The following RBFOX1 variants were observed in gnomAD, a reference collection of about 807,000 sequenced individuals.
RBFOX1 encodes the protein RNA binding protein fox-1 homolog 1.
RBFOX1 carries 8 observed loss-of-function variants against 57.7 expected under a neutral mutation model. The observed-to-expected ratio is 0.14, with a 90% confidence interval of 0.08 to 0.25. RBFOX1 has a LOEUF of 0.25. Among genes scored for constraint, RBFOX1 ranks in the 10% least tolerant of loss-of-function variants. The pLI is 1.00. For missense variants in RBFOX1, 611 were observed against 548.5 expected (o/e 1.11, Z -1.14); for synonymous variants, 326 against 222.4 (o/e 1.47, Z -4.15).
intron 1 of RBFOX1, among the ~76,000 whole-genome samples, chr16:5,408,736 C>T (rs1469818841): frequency 2.0e-5 from 3 of 152,240 alleles, no homozygotes; most frequent in African/African-American, 7.2e-5. Context: ...CCTCAGGAAG[C>T]TTTCAGTCAT....
intron 3 of RBFOX1, among the ~76,000 whole-genome samples, chr16:7,047,932 G>A (rs1269704925): frequency 7.3e-5 from 11 of 151,674 alleles, no homozygotes; most frequent in Non-Finnish European, 1.6e-4. Context: ...AGGCTGGAGT[G>A]CAGTGGTGCA....
intron 3 of RBFOX1, among the ~76,000 whole-genome samples, chr16:6,746,236 C>CT (rs1339556779): frequency 6.6e-6 from 1 of 151,862 alleles, no homozygotes; most frequent in Admixed American, 6.6e-5. Context: ...CCCAGCAGGC[C>CT]TTTTTTTCAA....
chr16:7,378,054 C>G (rs112595667), intron 4 of RBFOX1, among the ~76,000 whole-genome samples: 131 of 152,154 alleles, frequency 8.6e-4, no homozygotes, highest in Non-Finnish European at 1.8e-4. Context: ...AGCAAAGAGA[C>G]TCCGGTGGCT....
At chr16:6,591,189 T>C (rs2097705239) in intron 2 of RBFOX1, among the ~76,000 whole-genome samples, 1 of 152,180 alleles carries the variant, frequency 6.6e-6, no homozygotes, top group Non-Finnish European at 1.5e-5. Context: ...CTCATGCCTG[T>C]AATCCCAGTG....
At chr16:6,745,889 C>G (rs1014659860) in intron 3 of RBFOX1, among the ~76,000 whole-genome samples, 3 of 152,088 alleles carry the variant, frequency 2.0e-5, no homozygotes, top group African/African-American at 2.4e-5. Flanking sequence ...TTTATGCTCT[C>G]TAAAACAGAA....
At chr16:7,368,264 CG>C (rs1350457692) in intron 4 of RBFOX1, among the ~76,000 whole-genome samples, 3 of 130,860 alleles carry the variant, frequency 2.3e-5, no homozygotes, top group Admixed American at 7.8e-5. Context: ...GAGACTGTCT[CG>C]AAAAAAAAAA....
At chr16:5,921,500 C>T (rs1320999234) in intron 4 of RBFOX1, among the ~76,000 whole-genome samples, 7 of 152,046 alleles carry the variant, frequency 4.6e-5, no homozygotes, top group Non-Finnish European at 8.8e-5. Flanking sequence ...CCGATGAGGG[C>T]ATCAAGATGA....
intron 4 of RBFOX1, among the ~76,000 whole-genome samples, chr16:7,231,979 G>A (rs1430667819): frequency 6.6e-6 from 1 of 152,146 alleles, no homozygotes; most frequent in Non-Finnish European, 1.5e-5. Context: ...GAACTAGATA[G>A]GGGTGGTGGT....
At chr16:6,665,623 C>G (rs1199339930) in intron 3 of RBFOX1, among the ~76,000 whole-genome samples, 1 of 106,108 alleles carries the variant, frequency 9.4e-6, no homozygotes, top group Non-Finnish European at 2.1e-5. Flanking sequence ...GAAACTCCAT[C>G]TCCAAAAAAA....
intron 4 of RBFOX1, among the ~76,000 whole-genome samples, chr16:7,313,465 C>CTTTTTTTTTTTTTTTTTTTT (rs2096367156): frequency 1.2e-5 from 1 of 85,338 alleles, no homozygotes; most frequent in African/African-American, 4.1e-5. Context: ...CTTTTTTTTT[C>CTTTTTTTTTTTTTTTTTTTT]TTTTCTTGTC....
intron 4 of RBFOX1, among the ~76,000 whole-genome samples, chr16:7,176,622 A>G (rs1222650639): frequency 2.6e-5 from 4 of 152,188 alleles, no homozygotes; most frequent in Non-Finnish European, 5.9e-5. Context: ...GACAGAAACT[A>G]TATGGGTGGC....
intron 5 of RBFOX1, among the ~76,000 whole-genome samples, chr16:7,542,789 C>G (rs868090535): frequency 2.1e-5 from 3 of 140,838 alleles, no homozygotes; most frequent in African/African-American, 8.1e-5. Context: ...ATCAATTGAA[C>G]CTGGGAGGCA....
intron 4 of RBFOX1, among the ~76,000 whole-genome samples, chr16:5,927,498 G>T (rs1455469099): frequency 6.6e-6 from 1 of 152,188 alleles, no homozygotes; most frequent in African/African-American, 2.4e-5. Context: ...ACTGCTAGTG[G>T]GAATGTAAAT....
chr16:7,375,506 GTTTT>G (rs78927148), intron 4 of RBFOX1, among the ~76,000 whole-genome samples: 1 of 141,234 alleles, frequency 7.1e-6, no homozygotes, highest in Non-Finnish European at 1.6e-5. Context: ...TTGTTTTTTT[GTTTT>G]TTTTTTTTTT....
chr16:6,307,198 C>T (rs1237249802), intron 1 of RBFOX1, among the ~76,000 whole-genome samples: 3 of 152,072 alleles, frequency 2.0e-5, no homozygotes, highest in Admixed American at 2.0e-4. Flanking sequence ...GGTGGTTGTG[C>T]TTAGAGAGAC....
chr16:5,423,768 A>C (rs2067428317), intron 1 of RBFOX1, among the ~76,000 whole-genome samples: 1 of 152,064 alleles, frequency 6.6e-6, no homozygotes, highest in African/African-American at 2.4e-5. Flanking sequence ...CTCTTTTTAT[A>C]AATCATCCTC....
chr16:6,793,997 C>T (rs141254250), intron 3 of RBFOX1, among the ~76,000 whole-genome samples: 5 of 152,136 alleles, frequency 3.3e-5, no homozygotes, highest in Middle Eastern at 3.4e-3. Flanking sequence ...GTAACTCCAC[C>T]GGATTGCTTT....
intron 1 of RBFOX1, among the ~76,000 whole-genome samples, chr16:6,082,110 T>G (rs900175990): frequency 6.6e-6 from 1 of 151,946 alleles, no homozygotes; most frequent in Admixed American, 6.6e-5. Context: ...GATTCAGAGG[T>G]TGTTGTGGGA....
chr16:6,682,988 CTT>C (rs1243448255), intron 3 of RBFOX1, among the ~76,000 whole-genome samples: 1 of 151,674 alleles, frequency 6.6e-6, no homozygotes, highest in African/African-American at 2.4e-5. Flanking sequence ...GTGTTGAGTG[CTT>C]TACACAGCTG....
Sources: gnomAD v4.1 joint callset for allele counts (sites outside exome capture counted in the v4.1 genomes callset) on GRCh38, gnomAD v4.1.1 for gene constraint, MANE v1.5 for transcripts, NCBI Gene and HGNC (gene_info 2026-07-23, HGNC 2026-07-21) for gene names.